ZNF407: variants seen among roughly 807,000 people sequenced by gnomAD.
ZNF407 encodes the protein zinc finger protein 407.
ZNF407 carries 17 observed loss-of-function variants against 131.2 expected under a neutral mutation model. That is an observed-to-expected ratio of 0.13 (90% CI 0.09 to 0.19). The LOEUF is 0.19. ZNF407 is among the 10% of genes least tolerant of loss of function. The pLI, the probability that ZNF407 is intolerant of heterozygous loss-of-function variation, is 1.00. For synonymous variants in ZNF407, 1,156 were observed against 1,062.0 expected, an observed-to-expected ratio of 1.09 and a Z score of -1.72; for missense variants, 2,681 against 2,830.6, an observed-to-expected ratio of 0.95 and a Z score of 1.20.
rs587780522 is a variant in ZNF407 at position 74,632,277 on chromosome 18, A to G, written c.1258A>G (p.Ile420Val). ...VTSRPRPERNILVLGNSFRRR... is the reference protein window; with the variant it reads ...VTSRPRPERNVLVLGNSFRRR... ...CTCGAGGCCAAGACCTGAGCGAAAT[A>G]TTCTCGTGTTGGGTAATAGCTTTCG... is the stretch of plus-strand genomic sequence containing the variant. Residue 420 changes from isoleucine (I) to valine (V), a missense_variant, in exon 2 of 9, where the codon ATT becomes GTT. By Grantham distance (29) the Ile-to-Val change is conservative. Coordinates refer to ENST00000299687, the MANE Select transcript of ZNF407 (RefSeq NM_017757.3). 8.7e-6 allele frequency: 14 copies of G among 1,613,820 alleles called. No homozygotes were observed. Among genetic ancestry groups the G allele is most frequent in the Non-Finnish European group, 1.2e-5 (14 of 1,179,894 alleles).
chr18:74,859,905 T>C (rs904530518), intron 4 of ZNF407, among the ~76,000 whole-genome samples: 6 of 152,160 alleles, frequency 3.9e-5, no homozygotes, highest in Admixed American at 2.0e-4. Context: ...TTCCAGTAGC[T>C]CACAAATAGT....
At chr18:74,960,872 TGCTGGGTGGAGG>T (rs1972334404) in intron 8 of ZNF407, among the ~76,000 whole-genome samples, 1 of 125,780 alleles carries the variant, frequency 8.0e-6, no homozygotes, top group Non-Finnish European at 1.7e-5. Flanking sequence ...CCTGAGTCAG[TGCTGGGTGGAGG>T]GATAGGAGAA....
intron 4 of ZNF407, among the ~76,000 whole-genome samples, chr18:74,864,937 T>A (rs1275895245): frequency 2.0e-5 from 3 of 152,242 alleles, no homozygotes; most frequent in African/African-American, 7.2e-5. Flanking sequence ...GGTGATTGTG[T>A]TGTTACTCAC....
chr18:74,677,350 G>C (rs2144768094), intron 3 of ZNF407, among the ~76,000 whole-genome samples: 1 of 152,166 alleles, frequency 6.6e-6, no homozygotes, highest in Non-Finnish European at 1.5e-5. Flanking sequence ...CTTGGCCTCA[G>C]AAGGTGCTGG....
chr18:75,029,934 T>A (rs1158843040), intron 8 of ZNF407, among the ~76,000 whole-genome samples: 1 of 152,222 alleles, frequency 6.6e-6, no homozygotes, highest in African/African-American at 2.4e-5. Context: ...GAAGAACGTG[T>A]GTGATGACCA....
intron 3 of ZNF407, among the ~76,000 whole-genome samples, chr18:74,716,911 G>A (rs924325293): frequency 2.6e-5 from 4 of 152,058 alleles, no homozygotes; most frequent in African/African-American, 7.2e-5. Context: ...TCTGTTAAAT[G>A]GCCTTATACA....
chr18:74,676,006 AAG>A (rs1334357915), intron 3 of ZNF407, among the ~76,000 whole-genome samples: 3 of 152,228 alleles, frequency 2.0e-5, no homozygotes, highest in African/African-American at 7.2e-5. Flanking sequence ...CATGTATAAA[AAG>A]AAAATAAAAC....
intron 4 of ZNF407, among the ~76,000 whole-genome samples, chr18:74,810,188 G>A (rs928707493): frequency 6.6e-6 from 1 of 152,196 alleles, no homozygotes; most frequent in Non-Finnish European, 1.5e-5. Context: ...GAAAGGGAGA[G>A]AGAGATGAGG....
chr18:75,015,700 C>T (rs937314286), intron 8 of ZNF407, among the ~76,000 whole-genome samples: 8 of 151,406 alleles, frequency 5.3e-5, no homozygotes, highest in Non-Finnish European at 1.2e-4. Flanking sequence ...CGTGATATAA[C>T]GGCACAGAAT....
At chr18:74,802,513 A>C (rs1250406153) in intron 4 of ZNF407, among the ~76,000 whole-genome samples, 3 of 152,198 alleles carry the variant, frequency 2.0e-5, no homozygotes, top group Non-Finnish European at 4.4e-5. Flanking sequence ...TTGGAAGGAG[A>C]GGGAAAATAT....
intron 4 of ZNF407, among the ~76,000 whole-genome samples, chr18:74,873,845 ACT>A (rs1195058653): frequency 6.6e-6 from 1 of 152,164 alleles, no homozygotes; most frequent in Non-Finnish European, 1.5e-5. Context: ...AGTGCCAGGA[ACT>A]CTGTAATGAA....
chr18:74,631,282 A>C lies in ZNF407; in HGVS notation c.263A>C (p.Lys88Thr). 6.2e-7 allele frequency: 1 copy of C among 1,614,038 alleles called. No individual in the cohort carries two copies. The highest frequency in any genetic ancestry group is 8.5e-7 in the Non-Finnish European group (1 of 1,179,898). The change falls in exon 2 of 9, where the codon AAG (lysine) becomes ACG (threonine). Residue 88 changes from lysine to threonine, a missense_variant. By Grantham distance (78) the Lys-to-Thr change is moderately conservative. Transcript: ENST00000299687. The stretch of plus-strand genomic sequence containing the variant: ...GAGGCAGAGCCCCTTAAATCTGGAA[A>C]GCAAGGTATTTGTAGATTAGAAACT... ...LDEAEPLKSG[K>T]QGICRLETSE...
chr18:74,644,775 A>G (rs1487280351), intron 3 of ZNF407, among the ~76,000 whole-genome samples: 2 of 151,986 alleles, frequency 1.3e-5, no homozygotes, highest in Non-Finnish European at 2.9e-5. Context: ...TTGACTAGTA[A>G]TGGTAGACCA....
chr18:75,062,717 T>C (rs8093391), intron 8 of ZNF407: 24,310 of 156,080 alleles, frequency 0.16, 2,283 homozygotes, highest in African/African-American at 0.26. Context: ...TAATATTTGG[T>C]CATTAAAAAA....
At chr18:75,029,100 C>G (rs956116864) in intron 8 of ZNF407, among the ~76,000 whole-genome samples, 4 of 152,144 alleles carry the variant, frequency 2.6e-5, no homozygotes, top group Non-Finnish European at 5.9e-5. Context: ...TCAAAATGCA[C>G]ATAATATAGG....
intron 4 of ZNF407, among the ~76,000 whole-genome samples, chr18:74,804,989 G>T (rs1363164477): frequency 6.6e-6 from 1 of 152,158 alleles, no homozygotes; most frequent in Non-Finnish European, 1.5e-5. Context: ...TTGTTTCAGT[G>T]ACCCGACGTG....
chr18:74,945,796 A>T (rs1249735807), intron 8 of ZNF407, among the ~76,000 whole-genome samples: 1 of 152,084 alleles, frequency 6.6e-6, no homozygotes, highest in Non-Finnish European at 1.5e-5. Context: ...ATACAATAAC[A>T]TAGTAATTAG....
intron 1 of ZNF407, among the ~76,000 whole-genome samples, chr18:74,609,634 CTT>C (rs1484112263): frequency 1.3e-5 from 2 of 152,204 alleles, no homozygotes; most frequent in Non-Finnish European, 2.9e-5. Context: ...GGAGATTACA[CTT>C]TTGTATAACT....
At chr18:74,699,409 A>G (rs1399544200) in intron 3 of ZNF407, among the ~76,000 whole-genome samples, 1 of 152,188 alleles carries the variant, frequency 6.6e-6, no homozygotes, top group Non-Finnish European at 1.5e-5. Flanking sequence ...GGGGTCTGAT[A>G]ACTGAAGGGT....
Sources: gnomAD v4.1 joint callset for allele counts (sites outside exome capture counted in the v4.1 genomes callset) on GRCh38, gnomAD v4.1.1 for gene constraint, MANE v1.5 for transcripts, NCBI Gene and HGNC (gene_info 2026-07-23, HGNC 2026-07-21) for gene names.